Variants in MYZAP observed in about 807,000 individuals in gnomAD.
MYZAP encodes myocardial zonula adherens protein, also known as GRINL1A complex locus upstream.
Under a neutral mutation model 69.4 loss-of-function variants are expected in MYZAP, and 66 were observed. The ratio of observed to expected loss-of-function variants is 0.95; its 90% CI spans 0.78 to 1.17. The LOEUF (loss-of-function observed/expected upper bound fraction) is 1.17. Ranked by LOEUF, MYZAP falls within the 50% of genes most tolerant of loss-of-function variation. MYZAP has a pLI of 0.00. For missense variants in MYZAP, 611 were observed against 556.2 expected, an observed-to-expected ratio of 1.10 and a Z score of -0.99; for synonymous variants, 256 against 205.9, an observed-to-expected ratio of 1.24 and a Z score of -2.09.
chr15:57,638,864 C>G (rs1337651751), intron 9 of MYZAP, among the ~76,000 whole-genome samples: 1 of 152,182 alleles, frequency 6.6e-6, no homozygotes, highest in Non-Finnish European at 1.5e-5. Context: ...TCCCCGTCCT[C>G]CCCTCCAAGT....
At chr15:57,597,206 C>T (rs765182781) in intron 1 of MYZAP, among the ~76,000 whole-genome samples, 7 of 152,168 alleles carry the variant, frequency 4.6e-5, no homozygotes, top group African/African-American at 1.7e-4. Flanking sequence ...GTTGCCTCAT[C>T]CTGCTGCACA....
chr15:57,661,372 C>A, intron 10 of MYZAP, 78 bp from the exon 11 acceptor site: 2 of 1,014,262 alleles, frequency 2.0e-6, no homozygotes, highest in South Asian at 1.5e-5. Flanking sequence ...AAACCAAGGG[C>A]ATCTATTCCA....
chr15:57,597,022 A>T (rs535128119), intron 1 of MYZAP, among the ~76,000 whole-genome samples: 2 of 152,318 alleles, frequency 1.3e-5, no homozygotes, highest in East Asian at 3.9e-4. Flanking sequence ...GGTCCTACGT[A>T]GAGGAGCCAC....
chr15:57,636,406 C>A (rs909794805), intron 8 of MYZAP, among the ~76,000 whole-genome samples: 32 of 152,172 alleles, frequency 2.1e-4, no homozygotes, highest in African/African-American at 7.5e-4. Context: ...TTTGGCCTAC[C>A]TCTTGGTATA....
chr15:57,613,000 C>T (rs555269251), intron 2 of MYZAP, among the ~76,000 whole-genome samples: 20 of 152,104 alleles, frequency 1.3e-4, no homozygotes, highest in African/African-American at 4.3e-4. Flanking sequence ...GGTGCGATCT[C>T]GGCTCACTGC....
chr15:57,663,879 A>G (rs2038435920), intron 11 of MYZAP, among the ~76,000 whole-genome samples: 1 of 152,222 alleles, frequency 6.6e-6, no homozygotes, highest in Admixed American at 6.5e-5. Flanking sequence ...CCCTGAAACT[A>G]TTTAAATTCC....
intron 2 of MYZAP, among the ~76,000 whole-genome samples, chr15:57,608,694 G>A (rs1285889233): frequency 2.6e-5 from 4 of 152,210 alleles, no homozygotes; most frequent in African/African-American, 7.2e-5. Context: ...GGATTAAAGA[G>A]GTAATGACTA....
chr15:57,631,915 C>T (rs536244686), intron 6 of MYZAP, among the ~76,000 whole-genome samples: 1 of 152,286 alleles, frequency 6.6e-6, no homozygotes. Context: ...CACCAGCCAC[C>T]ACCAACCTAA....
At chr15:57,603,942 A>G (rs1216435267) in intron 1 of MYZAP, among the ~76,000 whole-genome samples, 1 of 152,180 alleles carries the variant, frequency 6.6e-6, no homozygotes, top group Non-Finnish European at 1.5e-5. Flanking sequence ...CCCTGTAACT[A>G]TATTTTTGCC....
In MYZAP at chr15:57,685,138, T is replaced by C. The variant is rs1300054312; in HGVS notation, c.*640T>C. ...GTTTAATTTGTGCCTTATGCTTTCATTGGACCAGCTGAAATCACTGTATTT... is the reference window on the plus strand; with the variant it reads ...GTTTAATTTGTGCCTTATGCTTTCACTGGACCAGCTGAAATCACTGTATTT... On this transcript the variant is annotated 3_prime_UTR_variant, in exon 13 of 13. Coordinates refer to ENST00000267853, the MANE Select transcript of MYZAP (RefSeq NM_001018100.5). The C allele has an allele frequency of 6.6e-6, 1 of 152,232 alleles. No individual in the cohort carries two copies. The highest frequency in any genetic ancestry group is 1.5e-5 in the Non-Finnish European group (1 of 68,038). The allele number at this position is 152,232 out of a possible 1,614,324, so 9.4% of individuals were successfully genotyped here.
At chr15:57,621,729 T>A in intron 4 of MYZAP, 29 bp downstream of exon 4, 1 of 1,610,624 alleles carries the variant, frequency 6.2e-7, no homozygotes, top group Non-Finnish European at 8.5e-7. Context: ...TGCTTGGAGA[T>A]AGGGAGGCAT....
At chr15:57,619,656 G>A (rs2035690714) in intron 3 of MYZAP, among the ~76,000 whole-genome samples, 2 of 152,190 alleles carry the variant, frequency 1.3e-5, no homozygotes, top group Non-Finnish European at 2.9e-5. Context: ...CCGGCCTCCA[G>A]ACATAATTTT....
intron 1 of MYZAP, among the ~76,000 whole-genome samples, chr15:57,592,519 C>G (rs2033741842): frequency 6.6e-6 from 1 of 152,182 alleles, no homozygotes; most frequent in African/African-American, 2.4e-5. Context: ...CTTGTGTCCA[C>G]TAGTGATAGG....
rs1206792332 is a variant in MYZAP at position 57,668,164 on chromosome 15, A to G, written c.1203+6631A>G. 6.6e-5 allele frequency among the ~76,000 whole-genome samples: 10 copies of G among 152,218 alleles called. No individual in the cohort carries two copies. The East Asian group carries it at 1.2e-3, about 18-fold the overall frequency. ...GAGTGGTATTCCATTGTATGAATAT[A>G]TCGCAGTTTATTCATTCAGCTGACA... is the stretch of plus-strand genomic sequence containing the variant. On this transcript the variant is annotated intron_variant, in intron 11 of 12. Transcript: ENST00000267853.
intron 2 of MYZAP, among the ~76,000 whole-genome samples, chr15:57,611,068 A>G (rs2035076146): frequency 1.3e-5 from 2 of 152,190 alleles, no homozygotes; most frequent in African/African-American, 4.8e-5. Context: ...AAGAAACCAC[A>G]CCACCAATAC....
At chr15:57,595,202 A>C (rs1334650834) in intron 1 of MYZAP, among the ~76,000 whole-genome samples, 1 of 152,204 alleles carries the variant, frequency 6.6e-6, no homozygotes, top group East Asian at 1.9e-4. Context: ...GGAAAAAAAA[A>C]CCAACAGGTG....
intron 2 of MYZAP, among the ~76,000 whole-genome samples, chr15:57,607,874 G>T (rs1188200123): frequency 6.6e-6 from 1 of 152,208 alleles, no homozygotes; most frequent in Non-Finnish European, 1.5e-5. Flanking sequence ...CCTGGCATGA[G>T]TCACTGAGGG....
At chr15:57,628,518 G>T (rs1352244206) in intron 5 of MYZAP, among the ~76,000 whole-genome samples, 1 of 152,016 alleles carries the variant, frequency 6.6e-6, no homozygotes, top group Admixed American at 6.5e-5. Context: ...CTCCCAAAGT[G>T]CTGGGATTAC....
intron 4 of MYZAP, among the ~76,000 whole-genome samples, 164 bp downstream of exon 4, chr15:57,621,864 C>G (rs528084271): frequency 6.6e-6 from 1 of 151,854 alleles, no homozygotes; most frequent in Non-Finnish European, 1.5e-5. Flanking sequence ...AAATTTATTA[C>G]CTAAAGGGAA....
Sources: gnomAD v4.1 joint callset for allele counts (sites outside exome capture counted in the v4.1 genomes callset) on GRCh38, gnomAD v4.1.1 for gene constraint, MANE v1.5 for transcripts, NCBI Gene and HGNC (gene_info 2026-07-23, HGNC 2026-07-21) for gene names.